Variants in ENAH observed in about 807,000 individuals in gnomAD.
ENAH encodes ENAH actin regulator.
Under a neutral mutation model 78.7 loss-of-function variants are expected in ENAH, and 23 were observed. The observed-to-expected ratio is 0.29, with a 90% confidence interval of 0.21 to 0.41. ENAH has a LOEUF of 0.41. Ranked by LOEUF, ENAH falls within the 10% of genes least tolerant of loss-of-function variation. The pLI is 1.00. For missense variants in ENAH, 544 were observed against 691.0 expected, an observed-to-expected ratio of 0.79 and a Z score of 2.39; for synonymous variants, 226 against 241.0, an observed-to-expected ratio of 0.94 and a Z score of 0.58.
chr1:225,503,632 A>C (rs1366545726), intron 11 of ENAH, among the ~76,000 whole-genome samples: 1 of 100,222 alleles, frequency 1.0e-5, no homozygotes, highest in East Asian at 2.7e-4. Context: ...TTTCTAAAGA[A>C]ATCTTTTGGC....
intron 3 of ENAH, among the ~76,000 whole-genome samples, chr1:225,536,389 A>G (rs2096561620): frequency 6.6e-6 from 1 of 151,040 alleles, no homozygotes; most frequent in Non-Finnish European, 1.5e-5. Context: ...AAACAAAAGT[A>G]AATTTTTTTT....
At chr1:225,555,309 G>A (rs144450480) in intron 2 of ENAH, among the ~76,000 whole-genome samples, 41 of 152,258 alleles carry the variant, frequency 2.7e-4, no homozygotes, top group African/African-American at 9.6e-4. Flanking sequence ...AGCCGGGCAC[G>A]GTGGCTCACG....
chr1:225,641,938 T>A (rs1297783871), intron 1 of ENAH, among the ~76,000 whole-genome samples: 1 of 152,034 alleles, frequency 6.6e-6, no homozygotes, highest in Non-Finnish European at 1.5e-5. Context: ...GGAGAATCAC[T>A]TGAACCCGGG....
intron 3 of ENAH, among the ~76,000 whole-genome samples, chr1:225,534,221 G>A (rs1313265710): frequency 6.6e-6 from 1 of 151,990 alleles, no homozygotes; most frequent in Non-Finnish European, 1.5e-5. Flanking sequence ...CCAGGAGGAG[G>A]CAGAAAAATG....
chr1:225,608,815 C>CAAAAA lies in ENAH; in HGVS notation c.6-41406_6-41402dup, dbSNP rs928281132. Among the ~76,000 whole-genome samples the CAAAAA allele has an allele frequency of 5.3e-4, 11 of 20,664 alleles. 1 individual carries two copies. Among genetic ancestry groups the CAAAAA allele is most frequent in the African/African-American group, 1.6e-3 (10 of 6,066 alleles). The allele number at this position is 20,664 out of a possible 152,430, so 13.6% of individuals were successfully genotyped here. A position where few individuals can be genotyped will look rare whatever the true frequency, so the allele number is the denominator to read the frequency against. On this transcript the variant is annotated intron_variant, in intron 1 of 13. Coordinates refer to ENST00000366843, the MANE Select transcript of ENAH (RefSeq NM_018212.6). ...TGGGCGACAGAGCGAGACTCTGTCT[C>CAAAAA]AAAAAAAAAAAAAAAAAAAAAAAAA...
intron 2 of ENAH, 135 bp downstream of exon 2, chr1:225,567,114 G>T: frequency 1.1e-6 from 1 of 950,788 alleles, no homozygotes; most frequent in Non-Finnish European, 1.5e-6. Flanking sequence ...AGGGTGGAGA[G>T]ACAATTTTAT....
At chr1:225,581,260 G>A in intron 1 of ENAH, 1 of 983,578 alleles carries the variant, frequency 1.0e-6, no homozygotes, top group Non-Finnish European at 1.2e-6. Flanking sequence ...CCTGTTTCCT[G>A]TAGTTCTTCT....
chr1:225,549,582 G>A (rs1053219148), intron 3 of ENAH, among the ~76,000 whole-genome samples: 1 of 152,192 alleles, frequency 6.6e-6, no homozygotes, highest in Non-Finnish European at 1.5e-5. Context: ...GTGACCTTCT[G>A]TAAGTGCCAA....
chr1:225,495,894 A>G lies in ENAH; in HGVS notation c.*1881T>C, dbSNP rs948008614. ...CCATCACAGTTTAATCTAAAAATGA[A>G]ATTTCTACAGAAACAGGAACTATTT... On this transcript the variant is annotated 3_prime_UTR_variant, in exon 14 of 14. Coordinates refer to ENST00000366843, the MANE Select transcript of ENAH (RefSeq NM_018212.6). 6.6e-6 allele frequency: 1 copy of G among 152,590 alleles called. No individual in the cohort carries two copies. Among genetic ancestry groups the G allele is most frequent in the African/African-American group, 2.4e-5 (1 of 41,446 alleles). 9.5% of individuals were successfully genotyped at this position (152,590 alleles called of 1,614,324 possible).
At chr1:225,591,910 C>A (rs1015070751) in intron 1 of ENAH, among the ~76,000 whole-genome samples, 1 of 151,928 alleles carries the variant, frequency 6.6e-6, no homozygotes, top group Non-Finnish European at 1.5e-5. Context: ...GAAGTTAAAC[C>A]TAAGTGAATT....
At chr1:225,560,126 T>C (rs1389678024) in intron 2 of ENAH, among the ~76,000 whole-genome samples, 2 of 151,724 alleles carry the variant, frequency 1.3e-5, no homozygotes, top group African/African-American at 2.4e-5. Flanking sequence ...TTCCTCAATT[T>C]GGGATGGGTA....
intron 1 of ENAH, among the ~76,000 whole-genome samples, chr1:225,606,088 C>T (rs895868708): frequency 2.6e-5 from 4 of 151,848 alleles, no homozygotes; most frequent in Non-Finnish European, 5.9e-5. Context: ...CTTAAAATAC[C>T]AAAATGGAAT....
chr1:225,535,459 A>G (rs1390546369), intron 3 of ENAH: 1 of 1,200,738 alleles, frequency 8.3e-7, no homozygotes, highest in East Asian at 5.7e-5. Flanking sequence ...ATGCGCAAGT[A>G]GCATGTACCA....
chr1:225,580,722 A>G (rs1272860646), intron 1 of ENAH, among the ~76,000 whole-genome samples: 1 of 151,970 alleles, frequency 6.6e-6, no homozygotes, highest in Non-Finnish European at 1.5e-5. Context: ...CTTCGAGAAC[A>G]GCCTGGCCAA....
chr1:225,568,451 G>A (rs1396498733), intron 1 of ENAH, among the ~76,000 whole-genome samples: 1 of 152,090 alleles, frequency 6.6e-6, no homozygotes, highest in Non-Finnish European at 1.5e-5. Context: ...ATTAGAATAG[G>A]CACATCAACT....
chr1:225,577,622 T>A (rs1272132292), intron 1 of ENAH, among the ~76,000 whole-genome samples: 3 of 152,224 alleles, frequency 2.0e-5, no homozygotes, highest in Non-Finnish European at 4.4e-5. Context: ...CTACAACACC[T>A]ATATTCATGT....
intron 1 of ENAH, among the ~76,000 whole-genome samples, chr1:225,650,120 T>C (rs1662689667): frequency 6.6e-6 from 1 of 152,218 alleles, no homozygotes; most frequent in Admixed American, 6.5e-5. Context: ...TTTTATCCCA[T>C]ACCAATCTCA....
intron 3 of ENAH, among the ~76,000 whole-genome samples, chr1:225,541,539 G>T (rs1220403829): frequency 2.6e-5 from 4 of 152,136 alleles, no homozygotes; most frequent in East Asian, 3.9e-4. Context: ...TGGGTAAACC[G>T]TATGGTATGT....
At chr1:225,505,097 T>G (rs1281902357) in intron 11 of ENAH, 2 of 1,403,508 alleles carry the variant, frequency 1.4e-6, no homozygotes, top group African/African-American at 2.8e-5. Flanking sequence ...AATAGAACTT[T>G]AAAAAATAAT....
Sources: gnomAD v4.1 joint callset for allele counts (sites outside exome capture counted in the v4.1 genomes callset) on GRCh38, gnomAD v4.1.1 for gene constraint, MANE v1.5 for transcripts, NCBI Gene and HGNC (gene_info 2026-07-23, HGNC 2026-07-21) for gene names.